TCF4: variants seen among roughly 807,000 people sequenced by gnomAD.
TCF4 encodes transcription factor 4.
Under a neutral mutation model 82.1 loss-of-function variants are expected in TCF4, and 3 were observed. That is an observed-to-expected ratio of 0.04 (90% CI 0.02 to 0.09). The LOEUF is 0.09. Ranked by LOEUF, TCF4 falls within the 10% of genes least tolerant of loss-of-function variation. The pLI, the probability that TCF4 is intolerant of heterozygous loss-of-function variation, is 1.00. For missense variants in TCF4, 518 were observed against 852.7 expected (o/e 0.61, Z 4.89); for synonymous variants, 276 against 309.6 (o/e 0.89, Z 1.14).
intron 5 of TCF4, among the ~76,000 whole-genome samples, chr18:55,416,634 T>C (rs2958162): frequency 0.45 from 68,493 of 152,172 alleles, 18,321 homozygotes; most frequent in African/African-American, 0.76. Context: ...AACCAGGTGG[T>C]CTACGTTACA....
At chr18:55,274,183 CATA>C (rs1289105166) in intron 10 of TCF4, among the ~76,000 whole-genome samples, 1 of 152,122 alleles carries the variant, frequency 6.6e-6, no homozygotes, top group African/African-American at 2.4e-5. Flanking sequence ...CGGATTCTAG[CATA>C]ATAATAGTTG....
intron 5 of TCF4, among the ~76,000 whole-genome samples, chr18:55,440,283 C>A (rs1001877301): frequency 6.6e-6 from 1 of 152,060 alleles, no homozygotes; most frequent in African/African-American, 2.4e-5. Context: ...TATGTTTTTC[C>A]TCTTCTTGTT....
intron 3 of TCF4, among the ~76,000 whole-genome samples, chr18:55,468,431 C>G (rs1170059082): frequency 6.6e-6 from 1 of 152,182 alleles, no homozygotes; most frequent in Non-Finnish European, 1.5e-5. Context: ...TATCTGTGAG[C>G]TCCCAACACA....
upstream of TCF4, among the ~76,000 whole-genome samples, chr18:55,591,911 G>A (rs1301484925): frequency 6.6e-6 from 1 of 152,156 alleles, no homozygotes; most frequent in Non-Finnish European, 1.5e-5. Flanking sequence ...TGCTAGTCTC[G>A]TTGCTTCTTC....
chr18:55,287,309 C>T (rs2146482017), intron 8 of TCF4, among the ~76,000 whole-genome samples: 1 of 152,234 alleles, frequency 6.6e-6, no homozygotes, highest in African/African-American at 2.4e-5. Flanking sequence ...TCTATACACC[C>T]CATCACAAAA....
At chr18:55,289,591 T>C (rs962386108) in intron 8 of TCF4, among the ~76,000 whole-genome samples, 2 of 152,214 alleles carry the variant, frequency 1.3e-5, no homozygotes, top group African/African-American at 4.8e-5. Flanking sequence ...GACTGCTTTT[T>C]GTTTTAGATG....
At chr18:55,260,804 C>T (rs1434863173) in intron 12 of TCF4, among the ~76,000 whole-genome samples, 1 of 152,156 alleles carries the variant, frequency 6.6e-6, no homozygotes, top group Non-Finnish European at 1.5e-5. Flanking sequence ...AAGTGATCCT[C>T]CCACCTCGGC....
intron 3 of TCF4, among the ~76,000 whole-genome samples, chr18:55,548,983 T>C (rs896354517): frequency 6.6e-6 from 1 of 152,118 alleles, no homozygotes; most frequent in Non-Finnish European, 1.5e-5. Context: ...ACATTAAGGA[T>C]ACATTGAATT....
chr18:55,255,649 T>C (rs2056615979), intron 14 of TCF4, among the ~76,000 whole-genome samples: 1 of 152,190 alleles, frequency 6.6e-6, no homozygotes, highest in Non-Finnish European at 1.5e-5. Context: ...TCATTGATCC[T>C]TGTTTCACGT....
chr18:55,512,919 G>A (rs150915999), intron 3 of TCF4, among the ~76,000 whole-genome samples: 61 of 152,220 alleles, frequency 4.0e-4, no homozygotes, highest in Middle Eastern at 3.4e-3. Flanking sequence ...AGTGCTTAAG[G>A]GTAGCAGGCA....
chr18:55,303,498 G>A (rs2069083192), intron 8 of TCF4, among the ~76,000 whole-genome samples: 1 of 152,124 alleles, frequency 6.6e-6, no homozygotes, highest in Admixed American at 6.5e-5. Context: ...AGACTTCCTA[G>A]GGCTCAGCAA....
At chr18:55,556,247 G>GCTCAAGAGCAA (rs2097303388) in intron 3 of TCF4, among the ~76,000 whole-genome samples, 1 of 151,578 alleles carries the variant, frequency 6.6e-6, no homozygotes, top group Admixed American at 6.6e-5. Flanking sequence ...ACAATGCTCT[G>GCTCAAGAGCAA]TATCTCACAT....
At chr18:55,513,344 A>T (rs536473406) in intron 3 of TCF4, among the ~76,000 whole-genome samples, 2 of 148,072 alleles carry the variant, frequency 1.4e-5, no homozygotes, top group Admixed American at 1.4e-4. Context: ...CCCTCTACTC[A>T]TGTCTTATCA....
upstream of TCF4, among the ~76,000 whole-genome samples, chr18:55,593,027 A>AATAC (rs1441361081): frequency 6.6e-6 from 1 of 152,240 alleles, no homozygotes; most frequent in Non-Finnish European, 1.5e-5. Flanking sequence ...TAAAGAACTT[A>AATAC]ATACAAAAAA....
chr18:55,370,309 G>A (rs1253180883), intron 6 of TCF4, among the ~76,000 whole-genome samples: 1 of 152,170 alleles, frequency 6.6e-6, no homozygotes, highest in Admixed American at 6.5e-5. Flanking sequence ...AGGAGGCTGA[G>A]GTGAGAGGAT....
chr18:55,240,279 T>TA (rs1255014552), intron 15 of TCF4, among the ~76,000 whole-genome samples: 2 of 152,348 alleles, frequency 1.3e-5, no homozygotes, highest in Middle Eastern at 3.4e-3. Context: ...AACTTACTGT[T>TA]ACTTTTCTCT....
At chr18:55,473,070 T>C (rs1328306055) in intron 3 of TCF4, among the ~76,000 whole-genome samples, 1 of 152,216 alleles carries the variant, frequency 6.6e-6, no homozygotes, top group African/African-American at 2.4e-5. Flanking sequence ...AAATCCATAA[T>C]ATTGTAATGA....
At chr18:55,384,628 CTGTT>C in intron 6 of TCF4, among the ~76,000 whole-genome samples, 1 of 152,306 alleles carries the variant, frequency 6.6e-6, no homozygotes, top group Non-Finnish European at 1.5e-5. Flanking sequence ...CCATTAGATG[CTGTT>C]AACAAAAATA....
At chr18:55,602,266 A>G (rs771957324) in intron 2 of TCF4, among the ~76,000 whole-genome samples, 7 of 152,194 alleles carry the variant, frequency 4.6e-5, no homozygotes, top group Non-Finnish European at 7.3e-5. Flanking sequence ...AGATCATAAC[A>G]TTAGTAAGCT....
Sources: allele counts gnomAD v4.1 joint callset (sites outside exome capture counted in the v4.1 genomes callset), GRCh38; gene constraint gnomAD v4.1.1; transcripts MANE v1.5; gene names NCBI Gene and HGNC (gene_info 2026-07-23, HGNC 2026-07-21).